The following TUBGCP5 variants were observed in gnomAD, a reference collection of about 807,000 sequenced individuals.
TUBGCP5 encodes the protein gamma-tubulin complex component 5.
In TUBGCP5, 98 loss-of-function variants were observed where a neutral mutation model predicts 134.7. That is an observed-to-expected ratio of 0.73 (90% CI 0.62 to 0.86). The LOEUF is 0.86. TUBGCP5 is among the 40% of genes least tolerant of loss of function. TUBGCP5 has a pLI of 0.00. For synonymous variants in TUBGCP5, 456 were observed against 431.4 expected, an observed-to-expected ratio of 1.06 and a Z score of -0.71; for missense variants, 1,150 against 1,244.8, an observed-to-expected ratio of 0.92 and a Z score of 1.15.
Position 23,003,632 on chromosome 15 carries a change from GTTTTTT to G in TUBGCP5, c.2838+464_2838+469del, listed in dbSNP as rs531926227. ...CTACGAATAGGGCACTCCTCCTTCT[GTTTTTT>G]TTTTTTTTTTTTTTTTTTTTTTTAA... On this transcript the variant is annotated intron_variant, in intron 20 of 22. Coordinates refer to ENST00000615383, the MANE Select transcript of TUBGCP5 (RefSeq NM_052903.6). Among the ~76,000 whole-genome samples, 15 of 88,688 alleles carry G rather than the reference GTTTTTT, an allele frequency of 1.7e-4. 1 individual carries two copies. The highest frequency in any genetic ancestry group is 1.6e-3 in the East Asian group (6 of 3,828). 58.2% of individuals were successfully genotyped at this position (88,688 alleles called of 152,430 possible).
rs1287780882 is a variant in TUBGCP5, at chr15:22,999,659, C to T, written c.*161G>A. 8.2e-6 allele frequency: 6 copies of T among 728,050 alleles called. No individual in the cohort carries two copies. In the East Asian group the frequency reaches 1.4e-4, roughly 17 times the overall value. 45.1% of individuals were successfully genotyped at this position (728,050 alleles called of 1,614,324 possible). ...CAAGTGATCTGCCTGTCTTGGCCTC[C>T]CATCGTGCTGGGATTAGAGGCATGA... On this transcript the variant is annotated 3_prime_UTR_variant, in exon 23 of 23. Coordinates refer to ENST00000615383, the MANE Select transcript of TUBGCP5 (RefSeq NM_052903.6).
chr15:22,998,446 T>C (rs1247252341), downstream of TUBGCP5, among the ~76,000 whole-genome samples: 1 of 152,182 alleles, frequency 6.6e-6, no homozygotes, highest in Non-Finnish European at 1.5e-5. Flanking sequence ...ACAAAACATA[T>C]ATACATTTCT....
intron 19 of TUBGCP5, among the ~76,000 whole-genome samples, chr15:23,004,856 A>C (rs2064610311): frequency 6.6e-6 from 1 of 152,206 alleles, no homozygotes; most frequent in Non-Finnish European, 1.5e-5. Flanking sequence ...GAACTCACAG[A>C]CCAGGTATAA....
chr15:23,022,557 A>G (rs1180186717), intron 10 of TUBGCP5, among the ~76,000 whole-genome samples: 1 of 152,262 alleles, frequency 6.6e-6, no homozygotes, highest in East Asian at 1.9e-4. Context: ...GGGCTGCACA[A>G]GCAAGCTCCT....
chr15:23,032,439 G>A (rs1433158026), intron 4 of TUBGCP5, among the ~76,000 whole-genome samples: 1 of 152,116 alleles, frequency 6.6e-6, no homozygotes, highest in African/African-American at 2.4e-5. Flanking sequence ...TAAATGCTAT[G>A]TAAATAGTTT....
At chr15:23,008,370 G>A (rs2064845907) in intron 16 of TUBGCP5, 4 of 325,680 alleles carry the variant, frequency 1.2e-5, no homozygotes, top group Admixed American at 9.6e-5. Flanking sequence ...AGGTTCAAGC[G>A]ATTCTCCTGC....
chr15:23,021,816 C>T (rs895165897), intron 11 of TUBGCP5, 143 bp downstream of exon 11: 17 of 907,726 alleles, frequency 1.9e-5, no homozygotes, highest in Non-Finnish European at 2.8e-5. Context: ...TTCCTACAGC[C>T]TTAAATTTGG....
rs1202363303 is a variant in TUBGCP5, at chr15:23,017,766, C to A, written c.1756+7G>T. 1.9e-6 allele frequency: 3 copies of A among 1,611,320 alleles called. No homozygotes were observed. Among genetic ancestry groups the A allele is most frequent in the South Asian group, 1.1e-5 (1 of 90,880 alleles). ...CCAAGAGAGACACAGGAAGACGGAA[C>A]AAGTACCTCTGGCTCCTGCCTGGCA... is the stretch of plus-strand genomic sequence containing the variant. On this transcript the variant is annotated splice_region_variant and intron_variant, in intron 13 of 22. Transcript: ENST00000615383.
chr15:23,007,961 T>G (rs1053626871), intron 16 of TUBGCP5, among the ~76,000 whole-genome samples: 2 of 152,170 alleles, frequency 1.3e-5, no homozygotes, highest in East Asian at 1.9e-4. Context: ...GGGCATTCTC[T>G]AGGAGGCAGG....
intron 1 of TUBGCP5, among the ~76,000 whole-genome samples, 174 bp downstream of exon 1, chr15:23,039,224 G>C (rs941112601): frequency 1.3e-5 from 2 of 151,850 alleles, no homozygotes; most frequent in East Asian, 1.9e-4. Context: ...GCACCGCGCC[G>C]AGAGCGCTGG....
At chr15:23,000,314 A>C (rs2064297074) in intron 22 of TUBGCP5, 1 of 1,268,990 alleles carries the variant, frequency 7.9e-7, no homozygotes. Flanking sequence ...TTCTGCCATC[A>C]ACTTTATTTA....
At chr15:23,014,112 G>A (rs72693864) in intron 13 of TUBGCP5, among the ~76,000 whole-genome samples, 25 of 152,344 alleles carry the variant, frequency 1.6e-4, no homozygotes, top group Non-Finnish European at 2.6e-4. Context: ...TCTCTAGAGG[G>A]TGGGAACAGA....
intron 13 of TUBGCP5, among the ~76,000 whole-genome samples, chr15:23,015,367 C>T (rs951384262): frequency 1.3e-5 from 2 of 149,038 alleles, no homozygotes; most frequent in African/African-American, 4.9e-5. Flanking sequence ...ATTGGCTGGG[C>T]GTGATGGCTC....
chr15:23,008,599 G>C lies in TUBGCP5; in HGVS notation c.2327+100C>G, dbSNP rs765185439. On this transcript the variant is annotated intron_variant, in intron 16 of 22. Coordinates refer to ENST00000615383, the MANE Select transcript of TUBGCP5 (RefSeq NM_052903.6). ...TAAAATAATATTAGTAAAACTCATA[G>C]GAATAGTGAGGATAAAATAATATGT... 2.9e-6 allele frequency: 4 copies of C among 1,364,662 alleles called. No homozygotes were observed. The African/African-American group carries it at 5.8e-5, about 20-fold the overall frequency. The allele number at this position is 1,364,662 out of a possible 1,614,324, so 84.5% of individuals were successfully genotyped here. A position where few individuals can be genotyped will look rare whatever the true frequency, so the allele number is the denominator to read the frequency against.
intron 23 of TUBGCP5, among the ~76,000 whole-genome samples, chr15:22,989,672 G>A (rs1288393866): frequency 6.6e-6 from 1 of 152,136 alleles, no homozygotes; most frequent in East Asian, 1.9e-4. Context: ...TCATGTGCCT[G>A]GCCAACCAGG....
chr15:23,023,949 T>C lies in TUBGCP5; in HGVS notation c.1166A>G (p.Asn389Ser), dbSNP rs1280807275. Reference sequence around the variant, plus strand: ...TAAAGATGAAGAACATTTAATACCATTATTGATGATGCACTTCTCAATTTC... The same window carrying C: ...TAAAGATGAAGAACATTTAATACCACTATTGATGATGCACTTCTCAATTTC... ...LAEIEKCIIN[N>S]DTTITLAIVV... is the part of the protein sequence containing the mutation. Residue 389 changes from asparagine (N) to serine (S), a missense_variant and splice_region_variant, in exon 10 of 23, where the codon AAT becomes AGT. Asn to Ser is a conservative substitution (Grantham distance 46, BLOSUM62 1). Around this residue, in one of 2 missense-constraint regions of TUBGCP5, gnomAD observed 697 missense variants for 850.1 expected, o/e 0.82. Coordinates refer to ENST00000615383, the MANE Select transcript of TUBGCP5 (RefSeq NM_052903.6). The C allele has an allele frequency of 3.1e-6, 5 of 1,613,792 alleles. No individual in the cohort carries two copies. The highest frequency in any genetic ancestry group is 4.2e-6 in the Non-Finnish European group (5 of 1,179,866).
Position 23,009,953 on chromosome 15 carries a change from T to G in TUBGCP5, c.2136A>C (p.Lys712Asn). The G allele has an allele frequency of 6.2e-7, 1 of 1,610,466 alleles. No homozygotes were observed. Among genetic ancestry groups the G allele is most frequent in the East Asian group, 2.2e-5 (1 of 44,834 alleles). Reference sequence around the variant, plus strand: ...TTAAATTACTCTTTTACCTGTAATCTTTTTTTAGAGTTTGCATGAGATTTC... The same window carrying G: ...TTAAATTACTCTTTTACCTGTAATCGTTTTTTAGAGTTTGCATGAGATTTC... ...CCGNLMQTLK[K>N]DYRLVEYLQA... Residue 712 changes from lysine to asparagine, a missense_variant, in exon 15 of 23, where the codon AAA becomes AAC. Around this residue, in one of 2 missense-constraint regions of TUBGCP5, gnomAD observed 697 missense variants for 850.1 expected, o/e 0.82. Transcript: ENST00000615383.
At chr15:22,988,477 T>C (rs898009849) in intron 23 of TUBGCP5, among the ~76,000 whole-genome samples, 2 of 151,832 alleles carry the variant, frequency 1.3e-5, no homozygotes, top group African/African-American at 2.4e-5. Context: ...CTGAAGCCTG[T>C]AATCCCAGCA....
rs896500656 is a variant in TUBGCP5, at chr15:23,009,127, C to CA, written c.2145-247dup. 4.1e-4 allele frequency among the ~76,000 whole-genome samples: 62 copies of CA among 150,854 alleles called. No homozygotes were observed. The East Asian group carries it at 0.01, about 25-fold the overall frequency. ...AAATTGGGCAGTCACAAAAATGTAACAAAAAAAAATCCAAATCCCATCATT... is the reference window on the plus strand; with the variant it reads ...AAATTGGGCAGTCACAAAAATGTAACAAAAAAAAAATCCAAATCCCATCATT... On this transcript the variant is annotated intron_variant, in intron 15 of 22. Transcript: ENST00000615383.
Sources: allele counts gnomAD v4.1 joint callset (sites outside exome capture counted in the v4.1 genomes callset), GRCh38; gene constraint gnomAD v4.1.1; regional missense constraint gnomAD v4.1.1; transcripts MANE v1.5; gene names NCBI Gene and HGNC (gene_info 2026-07-23, HGNC 2026-07-21).